The following OSBPL2 variants were observed in gnomAD, a reference collection of about 807,000 sequenced individuals.
OSBPL2 encodes oxysterol binding protein like 2.
Under a neutral mutation model 58.4 loss-of-function variants are expected in OSBPL2, and 18 were observed. That is an observed-to-expected ratio of 0.31 (90% confidence interval 0.21 to 0.46). The LOEUF is 0.46. OSBPL2 is among the 20% of genes least tolerant of loss of function. OSBPL2 has a pLI of 1.00. For missense variants in OSBPL2, 461 were observed against 616.5 expected, an observed-to-expected ratio of 0.75 and a Z score of 2.67; for synonymous variants, 221 against 234.1, an observed-to-expected ratio of 0.94 and a Z score of 0.51.
intron 3 of OSBPL2, among the ~76,000 whole-genome samples, chr20:62,262,003 C>T (rs1455922118): frequency 6.6e-6 from 1 of 152,134 alleles, no homozygotes; most frequent in East Asian, 1.9e-4. Flanking sequence ...ATCCACCTGC[C>T]TCGGCCTCCC....
At chr20:62,261,149 C>T (rs1364613969) in intron 3 of OSBPL2, among the ~76,000 whole-genome samples, 1 of 151,912 alleles carries the variant, frequency 6.6e-6, no homozygotes, top group Non-Finnish European at 1.5e-5. Flanking sequence ...AACCCCATCT[C>T]TACTAAAATA....
intron 1 of OSBPL2, among the ~76,000 whole-genome samples, chr20:62,251,041 T>C (rs1980492410): frequency 1.4e-5 from 2 of 139,218 alleles, no homozygotes; most frequent in African/African-American, 5.5e-5. Flanking sequence ...CAATAGATTT[T>C]TTTTTTTTTT....
At position 62,288,537 on chromosome 20, in the gene OSBPL2, GGGAGGCTGTGGGTGCAGAGGCC is replaced by G. The variant is rs1371087668; in HGVS notation, c.1126-648_1126-627del. Among the ~76,000 whole-genome samples, 11 of 150,160 alleles carry G rather than the reference GGGAGGCTGTGGGTGCAGAGGCC, an allele frequency of 7.3e-5. No individual in the cohort carries two copies. The highest frequency in any genetic ancestry group is 5.9e-5 in the Non-Finnish European group (4 of 67,410). ...GCCGGAGGCTGTGGGTGCAGAGGCTGGGAGGCTGTGGGTGCAGAGGCCGGAGGCTGTGGGTGCAGAGGCTGGG... is the reference window on the plus strand; with the variant it reads ...GCCGGAGGCTGTGGGTGCAGAGGCTGGGAGGCTGTGGGTGCAGAGGCTGGG... On this transcript the variant is annotated intron_variant, in intron 11 of 13. Transcript: ENST00000313733. The surrounding 1 kb of genome is among the most constrained non-coding windows in gnomAD (Gnocchi z 4.8).
chr20:62,281,138 A>G lies in OSBPL2; in HGVS notation c.755A>G (p.Tyr252Cys), dbSNP rs760062849. The G allele has an allele frequency of 3.1e-6, 5 of 1,613,472 alleles. No individual in the cohort carries two copies. In the East Asian group the frequency reaches 1.1e-4, roughly 36 times the overall value. Reference sequence around the variant, plus strand: ...ATCGGGAAGCTGTGGATAGAGCAGTATGGGACAGTGGAGATTTTAAACCAC... The same window carrying G: ...ATCGGGAAGCTGTGGATAGAGCAGTGTGGGACAGTGGAGATTTTAAACCAC... ...VIIGKLWIEQ[Y>C]GTVEILNHRT... is the part of the protein sequence containing the mutation. The change falls in exon 8 of 14, where the codon TAT becomes TGT. Residue 252 changes from tyrosine to cysteine, a missense_variant. Physicochemically the swap from Tyr to Cys is radical, Grantham distance 194. Transcript: ENST00000313733.
Position 62,288,295 on chromosome 20 carries a change from A to C in OSBPL2, c.1126-912A>C, listed in dbSNP as rs2145976674. 6.6e-6 allele frequency among the ~76,000 whole-genome samples: 1 copy of C among 152,216 alleles called. No homozygotes were observed. Among genetic ancestry groups the C allele is most frequent in the South Asian group, 2.1e-4 (1 of 4,810 alleles). ...GATGCTGTGAGGGCAGCAACAGAAG[A>C]GGGAGGACACGGGTGGTGGCTGGAG... is the stretch of plus-strand genomic sequence containing the variant. On this transcript the variant is annotated intron_variant, in intron 11 of 13. Coordinates refer to ENST00000313733, the MANE Select transcript of OSBPL2 (RefSeq NM_144498.4). This position sits in a 1 kb window ranked among gnomAD's most constrained non-coding sequence, Gnocchi z 4.8.
intron 2 of OSBPL2, 87 bp downstream of exon 2, chr20:62,256,308 A>C: frequency 8.1e-7 from 1 of 1,235,450 alleles, no homozygotes; most frequent in Non-Finnish European, 1.2e-6. Context: ...TGGGGTGTAA[A>C]GATGCTCAGT....
At chr20:62,282,250 G>C (rs539469989) in intron 9 of OSBPL2, among the ~76,000 whole-genome samples, 1 of 152,160 alleles carries the variant, frequency 6.6e-6, no homozygotes, top group Admixed American at 6.5e-5. Context: ...AGCACCCCAT[G>C]CACGTTGTCA....
In OSBPL2 at chr20:62,268,081, T is replaced by C. The variant is rs1454905225; in HGVS notation, c.259-4044T>C. On this transcript the variant is annotated intron_variant, in intron 4 of 13. Coordinates refer to ENST00000313733, the MANE Select transcript of OSBPL2 (RefSeq NM_144498.4). ...TTTTTTTTTTTTTTTGTATTTTTAG[T>C]AGATACGGGGTTTCACCTTATTGGC... 1.6e-4 allele frequency among the ~76,000 whole-genome samples: 22 copies of C among 136,862 alleles called. No individual in the cohort carries two copies. The East Asian group carries it at 2.6e-3, about 16-fold the overall frequency. 89.8% of individuals were successfully genotyped at this position (136,862 alleles called of 152,430 possible).
At position 62,262,278 on chromosome 20, in the gene OSBPL2, C is replaced by G. The variant is rs537035233; in HGVS notation, c.183-1338C>G. Among the ~76,000 whole-genome samples, 34 of 152,352 alleles carry G rather than the reference C, an allele frequency of 2.2e-4. No individual in the cohort carries two copies. The South Asian group carries it at 5.2e-3, about 23-fold the overall frequency. Reference sequence around the variant, plus strand: ...AGCACCCTCACCTGTGCCCTCAGGCCTGGCCCCGAGCCCTGTTGCCTCCCG... The same window carrying G: ...AGCACCCTCACCTGTGCCCTCAGGCGTGGCCCCGAGCCCTGTTGCCTCCCG... On this transcript the variant is annotated intron_variant, in intron 3 of 13. Transcript: ENST00000313733.
chr20:62,247,639 G>A (rs1430454077), intron 1 of OSBPL2, among the ~76,000 whole-genome samples: 1 of 151,912 alleles, frequency 6.6e-6, no homozygotes, highest in Non-Finnish European at 1.5e-5. Context: ...AGTAGTGTTG[G>A]ATGGGGTCCT....
At chr20:62,286,461 A>AC in intron 10 of OSBPL2, 122 bp from the exon 11 acceptor site, 4 of 1,139,900 alleles carry the variant, frequency 3.5e-6, no homozygotes, top group Non-Finnish European at 2.5e-6. Context: ...AAAAAAAAAA[A>AC]AGGAGAAGGC....
intron 1 of OSBPL2, among the ~76,000 whole-genome samples, chr20:62,243,812 T>C (rs1028741397): frequency 6.6e-6 from 1 of 151,054 alleles, no homozygotes; most frequent in African/African-American, 2.4e-5. Context: ...GGGAAAAAAA[T>C]GAACGAAAAA....
At chr20:62,293,409 C>T (rs1326448209) in intron 13 of OSBPL2, among the ~76,000 whole-genome samples, 1 of 152,110 alleles carries the variant, frequency 6.6e-6, no homozygotes, top group African/African-American at 2.4e-5. Flanking sequence ...TTAAAAAAAC[C>T]AATACTTGGT....
At chr20:62,257,530 T>C (rs750671011) in intron 2 of OSBPL2, among the ~76,000 whole-genome samples, 2 of 152,192 alleles carry the variant, frequency 1.3e-5, no homozygotes, top group Non-Finnish European at 2.9e-5. Context: ...TTCTGTGTTC[T>C]CTGCTGAATC....
intron 5 of OSBPL2, 140 bp downstream of exon 5, chr20:62,272,399 G>A: frequency 1.1e-6 from 1 of 920,068 alleles, no homozygotes; most frequent in Non-Finnish European, 1.6e-6. Flanking sequence ...CTGCCTGGCG[G>A]TCGTGGCATT....
intron 6 of OSBPL2, among the ~76,000 whole-genome samples, chr20:62,274,403 T>G (rs916332444): frequency 1.3e-5 from 2 of 152,204 alleles, no homozygotes; most frequent in Non-Finnish European, 2.9e-5. Flanking sequence ...TGGTGATGTC[T>G]AAAATGATTT....
At chr20:62,284,853 C>T (rs551218426) in intron 10 of OSBPL2, 7 of 152,316 alleles carry the variant, frequency 4.6e-5, no homozygotes, top group East Asian at 1.9e-4. Context: ...TAAATCTTCT[C>T]GCTTTCTTTG....
At chr20:62,291,641 GGGGGTGGC>G in intron 12 of OSBPL2, 54 bp from the exon 13 acceptor site, 1 of 1,342,288 alleles carries the variant, frequency 7.4e-7, no homozygotes, top group African/African-American at 1.4e-5. Flanking sequence ...TAGGTGCATA[GGGGGTGGC>G]GGGGTGCGGT....
At chr20:62,286,065 G>C (rs924762934) in intron 10 of OSBPL2, 48 of 161,588 alleles carry the variant, frequency 3.0e-4, no homozygotes, top group Non-Finnish European at 9.5e-5. Flanking sequence ...AGTGTGAGCT[G>C]CTTTAGGGAC....
Sources: allele counts gnomAD v4.1 joint callset (sites outside exome capture counted in the v4.1 genomes callset), GRCh38; gene constraint gnomAD v4.1.1; non-coding constraint Gnocchi (gnomAD v3.1); transcripts MANE v1.5; gene names NCBI Gene and HGNC (gene_info 2026-07-23, HGNC 2026-07-21).